INPP4B: variants seen among roughly 807,000 people sequenced by gnomAD.
The protein encoded by INPP4B is inositol polyphosphate-4-phosphatase type II B, also known as inositol polyphosphate 4-phosphatase type II.
In INPP4B, 55 loss-of-function variants were observed where a neutral mutation model predicts 122.5. The observed-to-expected ratio is 0.45, with a 90% CI of 0.36 to 0.56. The LOEUF is 0.56. Ranked by LOEUF, INPP4B falls within the 20% of genes least tolerant of loss-of-function variation. The pLI, the probability that INPP4B is intolerant of heterozygous loss-of-function variation, is 0.00. For synonymous variants in INPP4B, 403 were observed against 388.7 expected (o/e 1.04, Z -0.43); for missense variants, 1,000 against 1,097.7 (o/e 0.91, Z 1.26).
At chr4:142,674,571 C>T (rs150062168) in intron 2 of INPP4B, among the ~76,000 whole-genome samples, 5,931 of 152,220 alleles carry the variant, frequency 0.039, 186 homozygotes, top group Admixed American at 0.086. Context: ...ACAGAATATA[C>T]ATTCTTCTCA....
intron 2 of INPP4B, among the ~76,000 whole-genome samples, chr4:142,575,610 C>G (rs143949646): frequency 2.6e-5 from 4 of 151,936 alleles, no homozygotes; most frequent in Non-Finnish European, 5.9e-5. Context: ...ACAAAGCCTT[C>G]GTCCGTATTA....
At chr4:142,145,718 G>T in intron 18 of INPP4B, 122 bp downstream of exon 18, 1 of 911,108 alleles carries the variant, frequency 1.1e-6, no homozygotes. Flanking sequence ...CAGTGGAAAA[G>T]CATGCTATCA....
intron 2 of INPP4B, among the ~76,000 whole-genome samples, chr4:142,584,067 C>T (rs765931917): frequency 5.1e-4 from 77 of 152,080 alleles, no homozygotes; most frequent in Middle Eastern, 6.8e-3. Context: ...CCTTCTTATT[C>T]TATATGCCCT....
At chr4:142,509,930 G>A (rs1824495969) in intron 2 of INPP4B, among the ~76,000 whole-genome samples, 1 of 151,996 alleles carries the variant, frequency 6.6e-6, no homozygotes. Context: ...GGCGAAAATG[G>A]GAAACCTAAG....
At chr4:142,724,024 T>C (rs1336723067) in intron 2 of INPP4B, among the ~76,000 whole-genome samples, 2 of 152,232 alleles carry the variant, frequency 1.3e-5, no homozygotes, top group East Asian at 3.9e-4. Flanking sequence ...CATAATCACC[T>C]TGGGAGTTGT....
intron 23 of INPP4B, among the ~76,000 whole-genome samples, chr4:142,092,794 A>G (rs1283814084): frequency 2.0e-5 from 3 of 152,226 alleles, no homozygotes; most frequent in Non-Finnish European, 4.4e-5. Context: ...GACCAGCCAC[A>G]GTACAAATGT....
chr4:142,813,725 A>G (rs533205726), intron 1 of INPP4B, among the ~76,000 whole-genome samples: 1 of 152,330 alleles, frequency 6.6e-6, no homozygotes, highest in South Asian at 2.1e-4. Flanking sequence ...TACTAAATCA[A>G]TGATTTATAA....
At chr4:142,484,658 A>G (rs1207927062) in intron 2 of INPP4B, among the ~76,000 whole-genome samples, 2 of 152,102 alleles carry the variant, frequency 1.3e-5, no homozygotes, top group African/African-American at 2.4e-5. Context: ...TGTTTGTTAC[A>G]TAGGTAAACG....
At chr4:142,328,674 T>C (rs1308298754) in intron 7 of INPP4B, among the ~76,000 whole-genome samples, 1 of 152,210 alleles carries the variant, frequency 6.6e-6, no homozygotes, top group Non-Finnish European at 1.5e-5. Context: ...CAAAAGCATG[T>C]GTTATTTAAC....
intron 12 of INPP4B, among the ~76,000 whole-genome samples, chr4:142,218,857 G>A (rs917791562): frequency 2.0e-5 from 3 of 152,146 alleles, no homozygotes; most frequent in African/African-American, 7.2e-5. Context: ...AATAGTCAGT[G>A]AAGAATAGAC....
chr4:142,082,611 G>A (rs527600411), intron 24 of INPP4B, among the ~76,000 whole-genome samples: 5 of 152,230 alleles, frequency 3.3e-5, no homozygotes, highest in Admixed American at 6.5e-5. Context: ...GATTCAAATC[G>A]TATATAGCTA....
rs1282531759 is a variant in INPP4B at position 142,157,813 on chromosome 4, C to T, written c.1563+2545G>A. ...TCAAATTTTTCACGTTACTCATTAG[C>T]TCAAGTACTCATTTCTTCGGTGCCT... On this transcript the variant is annotated intron_variant, in intron 17 of 25. Transcript: ENST00000262992. Among the ~76,000 whole-genome samples the T allele has an allele frequency of 2.6e-5, 4 of 152,128 alleles. No homozygotes were observed. In the East Asian group the frequency reaches 7.7e-4, roughly 29 times the overall value.
chr4:142,590,399 T>C (rs1048818688), intron 2 of INPP4B, among the ~76,000 whole-genome samples: 7 of 152,174 alleles, frequency 4.6e-5, no homozygotes, highest in African/African-American at 1.4e-4. Flanking sequence ...TTTGCAAATG[T>C]GTTTAGTGAT....
intron 2 of INPP4B, among the ~76,000 whole-genome samples, chr4:142,720,275 G>C (rs1226271537): frequency 6.6e-6 from 1 of 152,154 alleles, no homozygotes; most frequent in African/African-American, 2.4e-5. Flanking sequence ...TCTCAGGTAA[G>C]ATGTTCTAAT....
At chr4:142,539,300 T>G (rs1828658537) in intron 2 of INPP4B, among the ~76,000 whole-genome samples, 1 of 151,890 alleles carries the variant, frequency 6.6e-6, no homozygotes, top group Admixed American at 6.6e-5. Context: ...TCAAGGTATA[T>G]TTGACTGAGG....
At chr4:142,809,248 T>C (rs1779213647) in intron 1 of INPP4B, among the ~76,000 whole-genome samples, 1 of 152,140 alleles carries the variant, frequency 6.6e-6, no homozygotes, top group African/African-American at 2.4e-5. Flanking sequence ...TGTGGGTACA[T>C]AGTAGGTATA....
chr4:142,321,692 T>A (rs1349252603), intron 7 of INPP4B, among the ~76,000 whole-genome samples: 1 of 152,170 alleles, frequency 6.6e-6, no homozygotes, highest in Non-Finnish European at 1.5e-5. Context: ...GAGTGTCCTT[T>A]CCCTACTTTA....
At chr4:142,702,324 AATC>A (rs1242148401) in intron 2 of INPP4B, among the ~76,000 whole-genome samples, 1 of 152,206 alleles carries the variant, frequency 6.6e-6, no homozygotes, top group East Asian at 1.9e-4. Flanking sequence ...CCCTCTTAAA[AATC>A]ATCTACTCTT....
intron 12 of INPP4B, among the ~76,000 whole-genome samples, chr4:142,212,083 G>T (rs1845142318): frequency 6.6e-6 from 1 of 152,086 alleles, no homozygotes. Flanking sequence ...ATGTAGAAAA[G>T]CACACAAACT....
Sources: gnomAD v4.1 joint callset for allele counts (sites outside exome capture counted in the v4.1 genomes callset) on GRCh38, gnomAD v4.1.1 for gene constraint, MANE v1.5 for transcripts, NCBI Gene and HGNC (gene_info 2026-07-23, HGNC 2026-07-21) for gene names.